The following KIAA0825 variants were observed in gnomAD, a reference collection of about 807,000 sequenced individuals.
The protein encoded by KIAA0825 is uncharacterized protein KIAA0825.
KIAA0825 carries 119 observed loss-of-function variants against 147.6 expected under a neutral mutation model. The ratio of observed to expected loss-of-function variants is 0.81; its 90% CI spans 0.69 to 0.94. The LOEUF is 0.94. KIAA0825 is among the 40% of genes least tolerant of loss of function. The pLI, the probability that KIAA0825 is intolerant of heterozygous loss-of-function variation, is 0.00. For synonymous variants in KIAA0825, 470 were observed against 518.1 expected, an observed-to-expected ratio of 0.91 and a Z score of 1.26; for missense variants, 1,381 against 1,472.7, an observed-to-expected ratio of 0.94 and a Z score of 1.02.
intron 18 of KIAA0825, among the ~76,000 whole-genome samples, chr5:94,389,856 C>T (rs1294969097): frequency 6.6e-6 from 1 of 152,216 alleles, no homozygotes; most frequent in African/African-American, 2.4e-5. Flanking sequence ...CCTCTAGCCT[C>T]ACCTAACATT....
At chr5:94,306,397 C>T (rs1406136056) in intron 20 of KIAA0825, among the ~76,000 whole-genome samples, 2 of 151,782 alleles carry the variant, frequency 1.3e-5, no homozygotes, top group Non-Finnish European at 2.9e-5. Context: ...TAAAAATTGA[C>T]AAAATGATTT....
intron 20 of KIAA0825, among the ~76,000 whole-genome samples, chr5:94,212,199 G>A (rs1165352330): frequency 6.6e-6 from 1 of 152,108 alleles, no homozygotes; most frequent in Non-Finnish European, 1.5e-5. Flanking sequence ...TATTTTAAAC[G>A]CAAAGTAATC....
chr5:94,345,709 A>C (rs1782903501), intron 20 of KIAA0825, among the ~76,000 whole-genome samples: 1 of 152,138 alleles, frequency 6.6e-6, no homozygotes, highest in South Asian at 2.1e-4. Flanking sequence ...AGATTTTTTT[A>C]ATCTGCTATT....
chr5:94,181,778 G>A (rs920009851), intron 20 of KIAA0825, among the ~76,000 whole-genome samples: 5 of 152,094 alleles, frequency 3.3e-5, no homozygotes, highest in Non-Finnish European at 5.9e-5. Flanking sequence ...TTGATTCATC[G>A]ATTTCATAGT....
intron 20 of KIAA0825, among the ~76,000 whole-genome samples, chr5:94,293,417 A>G (rs991082141): frequency 2.0e-5 from 3 of 152,180 alleles, no homozygotes; most frequent in Non-Finnish European, 4.4e-5. Context: ...GTAGTTGTGC[A>G]GTTTTGAGTG....
intron 13 of KIAA0825, among the ~76,000 whole-genome samples, chr5:94,450,537 C>G (rs1461149776): frequency 6.6e-6 from 1 of 151,902 alleles, no homozygotes; most frequent in African/African-American, 2.4e-5. Flanking sequence ...GTGAGGCCAT[C>G]TTGCTGCATC....
intron 20 of KIAA0825, among the ~76,000 whole-genome samples, chr5:94,188,266 C>T (rs1246731732): frequency 6.6e-6 from 1 of 152,196 alleles, no homozygotes; most frequent in African/African-American, 2.4e-5. Flanking sequence ...TAAGACAGAA[C>T]ACTGTAACAT....
At chr5:94,341,969 G>A (rs913467365) in intron 20 of KIAA0825, among the ~76,000 whole-genome samples, 32 of 152,172 alleles carry the variant, frequency 2.1e-4, no homozygotes, top group African/African-American at 7.0e-4. Flanking sequence ...CAAGGCAGGC[G>A]GGTCATGAGG....
chr5:94,309,064 G>T (rs1312031176), intron 20 of KIAA0825, among the ~76,000 whole-genome samples: 1 of 151,704 alleles, frequency 6.6e-6, no homozygotes, highest in Non-Finnish European at 1.5e-5. Context: ...ATGATACTTT[G>T]TGTTGTACTA....
intron 10 of KIAA0825, among the ~76,000 whole-genome samples, chr5:94,467,283 T>C (rs1299468538): frequency 6.6e-6 from 1 of 152,254 alleles, no homozygotes; most frequent in Admixed American, 6.5e-5. Context: ...TTTTCTGACC[T>C]GTTTCCTTAT....
intron 20 of KIAA0825, among the ~76,000 whole-genome samples, chr5:94,164,534 C>T (rs2149928733): frequency 1.3e-5 from 2 of 152,056 alleles, no homozygotes; most frequent in East Asian, 3.9e-4. Context: ...GCCTTAGTTT[C>T]CTGAGTAGCT....
chr5:94,473,041 C>T (rs1761415316), intron 8 of KIAA0825, among the ~76,000 whole-genome samples: 1 of 152,148 alleles, frequency 6.6e-6, no homozygotes, highest in African/African-American at 2.4e-5. Flanking sequence ...GGTTTCCCAG[C>T]TCCCCATGAA....
At chr5:94,421,005 G>C (rs1232044519) in intron 14 of KIAA0825, among the ~76,000 whole-genome samples, 1 of 151,938 alleles carries the variant, frequency 6.6e-6, no homozygotes, top group Admixed American at 6.6e-5. Flanking sequence ...TGAAATCCTC[G>C]TCTCTCTTGA....
intron 20 of KIAA0825, among the ~76,000 whole-genome samples, chr5:94,241,258 A>G (rs947586690): frequency 2.0e-5 from 3 of 152,246 alleles, no homozygotes; most frequent in African/African-American, 7.2e-5. Flanking sequence ...TTTGGCACAA[A>G]AATTTCAGCC....
chr5:94,325,556 C>A (rs1780604284), intron 20 of KIAA0825, among the ~76,000 whole-genome samples: 1 of 151,802 alleles, frequency 6.6e-6, no homozygotes, highest in African/African-American at 2.4e-5. Flanking sequence ...ATGTATGTAT[C>A]AACACATACA....
chr5:94,422,803 C>T (rs996932138), intron 14 of KIAA0825, among the ~76,000 whole-genome samples: 1 of 152,118 alleles, frequency 6.6e-6, no homozygotes, highest in African/African-American at 2.4e-5. Flanking sequence ...CAAATGTCAT[C>T]CACTTTGCCT....
chr5:94,154,302 G>T (rs896538587), intron 20 of KIAA0825, among the ~76,000 whole-genome samples, 178 bp from the exon 21 acceptor site: 1 of 152,162 alleles, frequency 6.6e-6, no homozygotes, highest in Non-Finnish European at 1.5e-5. Context: ...CGCGGAGTGG[G>T]CCAGGAGAGT....
chr5:94,295,810 G>T (rs1000602619), intron 20 of KIAA0825, among the ~76,000 whole-genome samples: 8 of 152,114 alleles, frequency 5.3e-5, no homozygotes, highest in African/African-American at 1.9e-4. Flanking sequence ...CGTCCCAGAG[G>T]GGCAACCACC....
chr5:94,164,260 A>G (rs1025015797), intron 20 of KIAA0825, among the ~76,000 whole-genome samples: 8 of 152,192 alleles, frequency 5.3e-5, no homozygotes, highest in African/African-American at 1.9e-4. Flanking sequence ...TCCTACACAA[A>G]AAGAACAAAA....
Sources: gnomAD v4.1 joint callset for allele counts (sites outside exome capture counted in the v4.1 genomes callset) on GRCh38, gnomAD v4.1.1 for gene constraint, MANE v1.5 for transcripts, NCBI Gene and HGNC (gene_info 2026-07-23, HGNC 2026-07-21) for gene names.